SACS: variants seen among roughly 807,000 people sequenced by gnomAD.
SACS encodes the protein sacsin molecular chaperone.
Under a neutral mutation model 348.0 loss-of-function variants are expected in SACS, and 197 were observed. The ratio of observed to expected loss-of-function variants is 0.57; its 90% CI spans 0.50 to 0.64. SACS has a LOEUF of 0.64. Ranked by LOEUF, SACS falls within the 30% of genes least tolerant of loss-of-function variation. The probability of loss-of-function intolerance (pLI) is 0.00; values close to 1 mark genes in which losing one functional copy is unlikely to be tolerated. For synonymous variants in SACS, 1,985 were observed against 1,910.6 expected (o/e 1.04, Z -1.02); for missense variants, 4,999 against 5,360.8 (o/e 0.93, Z 2.11).
rs143314595 is a variant in SACS at position 23,406,097 on chromosome 13, C to T, written c.20+5123G>A. ...ACATGCACACGTATGTTTATTGCAG[C>T]TCTGTTCACAATAGCAAAGATTGGA... On this transcript the variant is annotated intron_variant, in intron 2 of 9. Transcript: ENST00000382292. Among the ~76,000 whole-genome samples, 1,286 of 152,310 alleles carry T rather than the reference C, an allele frequency of 8.4e-3. 16 individuals carry two copies. The highest frequency in any genetic ancestry group is 0.03 in the African/African-American group (1,248 of 41,562).
chr13:23,411,231 G>A lies in SACS; in HGVS notation c.9C>T (p.Thr3=), dbSNP rs761747245. Residue 3 remains threonine, a synonymous_variant, in exon 2 of 10, where the codon ACC becomes ACT. Transcript: ENST00000382292. ...ATTAACTCATTTACCTGTTCTCCTT[G>A]GTCTCCATGATCACTTCTCCTGGGA... is the stretch of plus-strand genomic sequence containing the variant. ME[T]KENRWVPVTV... is the part of the protein sequence containing the mutation. 5.6e-6 allele frequency: 9 copies of A among 1,606,896 alleles called. No homozygotes were observed. The South Asian group carries it at 8.8e-5, about 16-fold the overall frequency.
Position 23,329,395 on chromosome 13 carries a change from C to A in SACS, c.*741G>T, listed in dbSNP as rs747649900. The stretch of plus-strand genomic sequence containing the variant: ...TAACAGTTAATAAATGTTGTCTTGG[C>A]AAGCAGTTTCCAGAAACAATACTAA... On this transcript the variant is annotated 3_prime_UTR_variant, in exon 10 of 10. Transcript: ENST00000382292. The A allele has an allele frequency of 2.7e-6, 2 of 752,386 alleles. No homozygotes were observed. The highest frequency in any genetic ancestry group is 3.8e-5 in the Admixed American group (2 of 52,386). 46.6% of individuals were successfully genotyped at this position (752,386 alleles called of 1,614,324 possible). A position where few individuals can be genotyped will look rare whatever the true frequency, so the allele number is the denominator to read the frequency against.
chr13:23,332,520 C>G lies in SACS; in HGVS notation c.11356G>C (p.Glu3786Gln), dbSNP rs1420011261. 6.2e-6 allele frequency: 10 copies of G among 1,613,864 alleles called. No homozygotes were observed. Among genetic ancestry groups the G allele is most frequent in the Non-Finnish European group, 8.5e-6 (10 of 1,179,918 alleles). Reference sequence around the variant, plus strand: ...ACCCCTCGCAACTGAAAACGAAATTCCCTTTTTTCTGCACTGAGGAATTCA... The same window carrying G: ...ACCCCTCGCAACTGAAAACGAAATTGCCTTTTTTCTGCACTGAGGAATTCA... ...IYEFLSAEKR[E>Q]FRFQLRGVAF... The change falls in exon 10 of 10, where the codon GAA (glutamate) becomes CAA (glutamine). Residue 3786 changes from glutamate to glutamine, a missense_variant. By Grantham distance (29) the Glu-to-Gln change is conservative. Transcript: ENST00000382292.
At position 23,334,401 on chromosome 13, in the gene SACS, G is replaced by C. The variant is rs762315658; in HGVS notation, c.9475C>G (p.Leu3159Val). Reference protein sequence around the residue: ...EVEGLPLLITLDSVLQTFDAK... With the variant: ...EVEGLPLLITVDSVLQTFDAK... ...TCAAAAGTTTGCAAAACACTGTCCA[G>C]TGTGATGAGAAGGGGCAATCCCTCA... Residue 3159 changes from leucine to valine, a missense_variant, in exon 10 of 10, where the codon CTG becomes GTG. By Grantham distance (32) the Leu-to-Val change is conservative. Transcript: ENST00000382292. 6.2e-7 allele frequency: 1 copy of C among 1,613,138 alleles called. No individual in the cohort carries two copies. The highest frequency in any genetic ancestry group is 8.5e-7 in the Non-Finnish European group (1 of 1,179,774).
At chr13:23,414,324 A>C (rs1040440989) in intron 1 of SACS, among the ~76,000 whole-genome samples, 7 of 152,196 alleles carry the variant, frequency 4.6e-5, no homozygotes, top group Admixed American at 3.9e-4. Context: ...AAAAGTATGA[A>C]TATAAACACG....
rs149643158 is a variant in SACS at position 23,333,394 on chromosome 13, T to C, written c.10482A>G (p.Leu3494=). 4.4e-5 allele frequency: 70 copies of C among 1,605,962 alleles called. No individual in the cohort carries two copies. In the East Asian group the frequency reaches 1.5e-3, roughly 34 times the overall value. ...TATTCTTAAGGTAGATCAAGTGCTC[T>C]AATTTTGCATCATAAGAGAGATTTT... ...KIENLSYDAK[L]EHLIYLKNRL... The change falls in exon 10 of 10, where the codon TTA becomes TTG. Residue 3494 remains leucine (L), a synonymous_variant. Transcript: ENST00000382292.
chr13:23,370,830 G>A (rs1871341921), intron 4 of SACS, among the ~76,000 whole-genome samples: 1 of 152,160 alleles, frequency 6.6e-6, no homozygotes, highest in Non-Finnish European at 1.5e-5. Context: ...GGGCGTGATG[G>A]CAGGCACCTG....
In SACS at chr13:23,331,746, C is replaced by G. The variant is rs753511073; in HGVS notation, c.12130G>C (p.Gly4044Arg). The G allele has an allele frequency of 1.5e-5, 25 of 1,613,824 alleles. No individual in the cohort carries two copies. In the Admixed American group the frequency reaches 3.2e-4, roughly 20 times the overall value. The change falls in exon 10 of 10, where the codon GGA becomes CGA. Residue 4044 changes from glycine (G) to arginine (R), a missense_variant. Physicochemically the swap from Gly to Arg is moderately radical, Grantham distance 125. Around this residue, in one of 6 missense-constraint regions of SACS, gnomAD observed 831 missense variants for 941.8 expected, o/e 0.88. Transcript: ENST00000382292. ...TTTTCAAAGCAGGATACTTTCAATCCTTCTCTTAGGGCTTTGCAAAGTCTT... is the reference window on the plus strand; with the variant it reads ...TTTTCAAAGCAGGATACTTTCAATCGTTCTCTTAGGGCTTTGCAAAGTCTT... ...AIRLCKALRE[G>R]LKVSCFEKLQ... is the part of the protein sequence containing the mutation.
At chr13:23,371,022 C>T (rs1295607311) in intron 4 of SACS, 56 bp downstream of exon 4, 12 of 1,186,688 alleles carry the variant, frequency 1.0e-5, no homozygotes, top group Middle Eastern at 3.9e-4. Context: ...AACAAAAAAA[C>T]TCAATCTTTG....
chr13:23,409,040 C>CTTTTTTTTTTTTTTTTTTTATT (rs1873361236), intron 2 of SACS, among the ~76,000 whole-genome samples: 1 of 35,122 alleles, frequency 2.8e-5, no homozygotes, highest in Non-Finnish European at 4.9e-5. Context: ...ACAAGTTTTA[C>CTTTTTTTTTTTTTTTTTTTATT]TTTTTTTTTT....
chr13:23,333,471 C>A lies in SACS; in HGVS notation c.10405G>T (p.Val3469Leu). ...LKELYEVIGC[V>L]PVDDLEVYLK... is the part of the protein sequence containing the mutation. Reference sequence around the variant, plus strand: ...TATACCTCAAGATCATCTACAGGTACACAACCAATCACCTCATATAGTTCT... The same window carrying A: ...TATACCTCAAGATCATCTACAGGTAAACAACCAATCACCTCATATAGTTCT... The change falls in exon 10 of 10, where the codon GTA (valine) becomes TTA (leucine). Residue 3469 changes from valine (V) to leucine (L), a missense_variant. Physicochemically the swap from Val to Leu is conservative, Grantham distance 32. This residue lies in a region of SACS where 734 missense variants were observed against 694.0 expected (regional missense o/e 1.06). Transcript: ENST00000382292. The A allele has an allele frequency of 6.2e-7, 1 of 1,612,658 alleles. No homozygotes were observed. The highest frequency in any genetic ancestry group is 1.3e-5 in the African/African-American group (1 of 75,002).
intron 3 of SACS, among the ~76,000 whole-genome samples, chr13:23,372,390 C>T (rs1193008530): frequency 6.6e-6 from 1 of 152,146 alleles, no homozygotes; most frequent in Non-Finnish European, 1.5e-5. Context: ...ACAGAAGGAG[C>T]AACGTGCCCA....
chr13:23,340,872 C>G lies in SACS; in HGVS notation c.3004G>C (p.Ala1002Pro). The G allele has an allele frequency of 3.7e-6, 6 of 1,608,426 alleles. No individual in the cohort carries two copies. Among genetic ancestry groups the G allele is most frequent in the Non-Finnish European group, 5.1e-6 (6 of 1,175,794 alleles). ...LKLVLKDIEN[A>P]FYSHEEVTQL... ...GTTACCTCTTCATGTGAATAAAATGCATTTTCAATATCTTTTAAAACAAGC... is the reference window on the plus strand; with the variant it reads ...GTTACCTCTTCATGTGAATAAAATGGATTTTCAATATCTTTTAAAACAAGC... The change falls in exon 10 of 10, where the codon GCA becomes CCA. Residue 1002 changes from alanine (A) to proline (P), a missense_variant. Physicochemically the swap from Ala to Pro is conservative, Grantham distance 27. Coordinates refer to ENST00000382292, the MANE Select transcript of SACS (RefSeq NM_014363.6).
intron 2 of SACS, among the ~76,000 whole-genome samples, chr13:23,401,150 G>A (rs939485488): frequency 3.9e-5 from 6 of 151,982 alleles, no homozygotes; most frequent in Non-Finnish European, 7.4e-5. Flanking sequence ...TCTAGTTACC[G>A]TTTTAAAATG....
At chr13:23,344,269 G>A (rs907821200) in intron 9 of SACS, among the ~76,000 whole-genome samples, 4 of 152,152 alleles carry the variant, frequency 2.6e-5, no homozygotes, top group South Asian at 4.2e-4. Flanking sequence ...TAATTGCCAC[G>A]ACATGCATTC....
chr13:23,330,123 T>C lies in SACS; in HGVS notation c.*13A>G, dbSNP rs201317505. The C allele has an allele frequency of 2.4e-5, 38 of 1,609,520 alleles. No individual in the cohort carries two copies. The highest frequency in any genetic ancestry group is 2.9e-5 in the Non-Finnish European group (34 of 1,176,306). ...ACACATTCAAGATCTACCTTTTTTT[T>C]CGTTAAATATCTTCACACTTTTTGT... On this transcript the variant is annotated 3_prime_UTR_variant, in exon 10 of 10. Transcript: ENST00000382292.
chr13:23,338,415 A>G lies in SACS; in HGVS notation c.5461T>C (p.Cys1821Arg), dbSNP rs376680832. Residue 1821 changes from cysteine to arginine, a missense_variant, in exon 10 of 10, where the codon TGT becomes CGT. Physicochemically the swap from Cys to Arg is radical, Grantham distance 180. Coordinates refer to ENST00000382292, the MANE Select transcript of SACS (RefSeq NM_014363.6). Reference protein sequence around the residue: ...KTVECTTWLLCTCMDTGEALK... With the variant: ...KTVECTTWLLRTCMDTGEALK... ...GCCTCTCCTGTGTCCATGCAAGTAC[A>G]CAGAAGCCACGTGGTACACTCTACT... The G allele has an allele frequency of 4.0e-4, 641 of 1,614,080 alleles. 10 individuals are homozygous for G. The South Asian group carries it at 6.6e-3, about 17-fold the overall frequency.
chr13:23,331,346 T>TA lies in SACS; in HGVS notation c.12529dup (p.Tyr4177LeufsTer11). The TA allele has an allele frequency of 6.2e-7, 1 of 1,613,766 alleles. No individual in the cohort carries two copies. Among genetic ancestry groups the TA allele is most frequent in the Non-Finnish European group, 8.5e-7 (1 of 1,179,864 alleles). On this transcript the variant is annotated frameshift_variant, in exon 10 of 10. Transcript: ENST00000382292. LOFTEE classifies it high-confidence loss of function. ...AAGGTACCCAACATATTCTCCCGGG[T>TA]AAAAAACATTCATTGGGTCCATAAG...
chr13:23,333,086 T>C lies in SACS; in HGVS notation c.10790A>G (p.Gln3597Arg), dbSNP rs1299454627. The C allele has an allele frequency of 8.1e-6, 13 of 1,613,782 alleles. No homozygotes were observed. In the Admixed American group the frequency reaches 1.7e-4, roughly 21 times the overall value. Residue 3597 changes from glutamine (Q) to arginine (R), a missense_variant, in exon 10 of 10, where the codon CAG becomes CGG. By Grantham distance (43) the Gln-to-Arg change is conservative. Coordinates refer to ENST00000382292, the MANE Select transcript of SACS (RefSeq NM_014363.6). ...RNIGLKYILS[Q>R]QQLLQFAKEI... ...CTTAGCAAACTGTAACAACTGCTGC[T>C]GAGAAAGTATGTATTTTAGTCCAAT...
Sources: allele counts gnomAD v4.1 joint callset (sites outside exome capture counted in the v4.1 genomes callset), GRCh38; gene constraint gnomAD v4.1.1; regional missense constraint gnomAD v4.1.1; transcripts MANE v1.5; gene names NCBI Gene and HGNC (gene_info 2026-07-23, HGNC 2026-07-21).